Variants in GALNTL6 observed in about 807,000 individuals in gnomAD.
The protein encoded by GALNTL6 is polypeptide N-acetylgalactosaminyltransferase like 6.
Under a neutral mutation model 73.7 loss-of-function variants are expected in GALNTL6, and 46 were observed. That is an observed-to-expected ratio of 0.62 (90% CI 0.49 to 0.80). The LOEUF is 0.80. GALNTL6 is among the 30% of genes least tolerant of loss of function. The probability of loss-of-function intolerance (pLI) is 0.00; values close to 1 mark genes in which losing one functional copy is unlikely to be tolerated. For missense variants in GALNTL6, 604 were observed against 755.0 expected (o/e 0.80, Z 2.34); for synonymous variants, 259 against 263.7 (o/e 0.98, Z 0.17).
At position 172,195,932 on chromosome 4, in the gene GALNTL6, T is replaced by C. The variant is rs1735749612; in HGVS notation, c.139-33724T>C. 2.7e-5 allele frequency among the ~76,000 whole-genome samples: 4 copies of C among 145,530 alleles called. No homozygotes were observed. The South Asian group carries it at 8.7e-4, about 32-fold the overall frequency. Reference sequence around the variant, plus strand: ...AAACTAGCAGAAGACAAGAAATAACTAAGATCAGAGCAGAACTGAAGGAAA... The same window carrying C: ...AAACTAGCAGAAGACAAGAAATAACCAAGATCAGAGCAGAACTGAAGGAAA... On this transcript the variant is annotated intron_variant, in intron 2 of 12. Coordinates refer to ENST00000506823, the MANE Select transcript of GALNTL6 (RefSeq NM_001034845.3).
Position 172,765,905 on chromosome 4 carries a change from T to A in GALNTL6, c.554-43456T>A, listed in dbSNP as rs181725356. 1.6e-3 allele frequency among the ~76,000 whole-genome samples: 242 copies of A among 152,066 alleles called. 1 individual carries two copies. The highest frequency in any genetic ancestry group is 5.6e-3 in the African/African-American group (233 of 41,492). ...AAGCATATAAAATAACCATATTTTT[T>A]AAAAAAAGAAAAGACACCATATTTC... is the stretch of plus-strand genomic sequence containing the variant. On this transcript the variant is annotated intron_variant, in intron 5 of 12. Coordinates refer to ENST00000506823, the MANE Select transcript of GALNTL6 (RefSeq NM_001034845.3).
intron 10 of GALNTL6, among the ~76,000 whole-genome samples, chr4:172,975,465 G>A (rs1231227528): frequency 1.3e-5 from 2 of 152,190 alleles, no homozygotes; most frequent in Admixed American, 1.3e-4. Context: ...ATTGGTCCAT[G>A]GGAGGCCATG....
intron 2 of GALNTL6, among the ~76,000 whole-genome samples, chr4:172,146,212 G>A (rs1733924058): frequency 6.6e-6 from 1 of 152,168 alleles, no homozygotes; most frequent in Admixed American, 6.5e-5. Context: ...GCATATTTTA[G>A]AGGGCACATT....
At chr4:172,389,355 A>G (rs1743582611) in intron 5 of GALNTL6, among the ~76,000 whole-genome samples, 1 of 152,114 alleles carries the variant, frequency 6.6e-6, no homozygotes, top group Admixed American at 6.6e-5. Context: ...GTAGGAAAAA[A>G]AAGTACTCAG....
intron 3 of GALNTL6, among the ~76,000 whole-genome samples, chr4:172,308,321 T>C (rs1235210200): frequency 1.3e-5 from 2 of 151,982 alleles, no homozygotes; most frequent in Non-Finnish European, 2.9e-5. Context: ...CCCTTATTTC[T>C]TTCTGTTGTC....
At chr4:172,389,333 G>A (rs563806039) in intron 5 of GALNTL6, among the ~76,000 whole-genome samples, 1 of 152,038 alleles carries the variant, frequency 6.6e-6, no homozygotes, top group Admixed American at 6.5e-5. Flanking sequence ...AGTAAGACTA[G>A]AAATCATTGA....
chr4:172,730,497 T>G (rs1330244379), intron 5 of GALNTL6, among the ~76,000 whole-genome samples: 1 of 152,220 alleles, frequency 6.6e-6, no homozygotes. Context: ...TCATATGGTT[T>G]TGTTCATTCT....
intron 2 of GALNTL6, among the ~76,000 whole-genome samples, chr4:171,915,076 A>T (rs913305610): frequency 2.6e-5 from 4 of 152,170 alleles, no homozygotes; most frequent in Non-Finnish European, 4.4e-5. Context: ...AAAGTTCGAA[A>T]AAATTAAAAA....
chr4:171,909,753 T>G (rs1228083099), intron 2 of GALNTL6, among the ~76,000 whole-genome samples: 3 of 152,146 alleles, frequency 2.0e-5, no homozygotes, highest in African/African-American at 7.2e-5. Flanking sequence ...TTATAACTCC[T>G]TGTATTATAT....
chr4:172,534,925 TACTC>T (rs773395038), intron 5 of GALNTL6, among the ~76,000 whole-genome samples: 18 of 152,190 alleles, frequency 1.2e-4, no homozygotes, highest in African/African-American at 1.9e-4. Flanking sequence ...TTCAGTCTAA[TACTC>T]ACACTTAATA....
At chr4:172,928,104 G>T (rs1748151811) in intron 8 of GALNTL6, among the ~76,000 whole-genome samples, 1 of 152,170 alleles carries the variant, frequency 6.6e-6, no homozygotes, top group Non-Finnish European at 1.5e-5. Context: ...TGCCAGTTTT[G>T]GTAAGCAAGG....
intron 4 of GALNTL6, among the ~76,000 whole-genome samples, chr4:172,320,223 G>C (rs1279648804): frequency 6.6e-6 from 1 of 152,072 alleles, no homozygotes; most frequent in Non-Finnish European, 1.5e-5. Context: ...ACTTTGCCCA[G>C]TTTGTGATGT....
intron 5 of GALNTL6, among the ~76,000 whole-genome samples, chr4:172,421,194 G>A (rs1355111487): frequency 6.6e-6 from 1 of 152,008 alleles, no homozygotes. Flanking sequence ...ATAAAAAATG[G>A]CAGGATATCT....
chr4:171,864,728 G>C (rs1352908775), intron 2 of GALNTL6, among the ~76,000 whole-genome samples: 1 of 152,142 alleles, frequency 6.6e-6, no homozygotes, highest in African/African-American at 2.4e-5. Flanking sequence ...AGGTACTGAA[G>C]GCACTTGTGC....
intron 5 of GALNTL6, among the ~76,000 whole-genome samples, chr4:172,597,077 A>G (rs1194416765): frequency 6.6e-6 from 1 of 152,232 alleles, no homozygotes; most frequent in Admixed American, 6.5e-5. Context: ...CATAAATCCT[A>G]TTATTTAACA....
chr4:171,914,851 T>G lies in GALNTL6; in HGVS notation c.138+100133T>G, dbSNP rs192939889. On this transcript the variant is annotated intron_variant, in intron 2 of 12. Coordinates refer to ENST00000506823, the MANE Select transcript of GALNTL6 (RefSeq NM_001034845.3). The stretch of plus-strand genomic sequence containing the variant: ...ATTTTTGATTCAATATTTTAGAGTA[T>G]TTTTTTACACAGTTTGATAGGATCT... Among the ~76,000 whole-genome samples, 55 of 150,466 alleles carry G rather than the reference T, an allele frequency of 3.7e-4. No homozygotes were observed. The East Asian group carries it at 9.3e-3, about 25-fold the overall frequency.
Position 171,942,292 on chromosome 4 carries a change from G to C in GALNTL6, c.138+127574G>C, listed in dbSNP as rs550106683. ...TATAATATACAGAACTGTAAAGACAGAGAAAAATGAGGGGAGGAGGTATGC... is the reference window on the plus strand; with the variant it reads ...TATAATATACAGAACTGTAAAGACACAGAAAAATGAGGGGAGGAGGTATGC... On this transcript the variant is annotated intron_variant, in intron 2 of 12. Transcript: ENST00000506823. Among the ~76,000 whole-genome samples, 12 of 112,528 alleles carry C rather than the reference G, an allele frequency of 1.1e-4. 1 individual carries two copies. The South Asian group carries it at 3.5e-3, about 33-fold the overall frequency. The allele number at this position is 112,528 out of a possible 152,430, so 73.8% of individuals were successfully genotyped here.
chr4:172,183,449 T>A (rs1735319700), intron 2 of GALNTL6, among the ~76,000 whole-genome samples: 1 of 152,218 alleles, frequency 6.6e-6, no homozygotes, highest in Admixed American at 6.5e-5. Context: ...GCTTGAATAA[T>A]ATGTAATTTA....
intron 5 of GALNTL6, among the ~76,000 whole-genome samples, chr4:172,352,101 T>G (rs1561040980): frequency 6.6e-6 from 1 of 152,176 alleles, no homozygotes; most frequent in East Asian, 1.9e-4. Context: ...TGTTAAATTC[T>G]GTAATAGTGG....
Sources: gnomAD v4.1 joint callset for allele counts (sites outside exome capture counted in the v4.1 genomes callset) on GRCh38, gnomAD v4.1.1 for gene constraint, MANE v1.5 for transcripts, NCBI Gene and HGNC (gene_info 2026-07-23, HGNC 2026-07-21) for gene names.